The following DLG2 variants were observed in gnomAD, a reference collection of about 807,000 sequenced individuals.
The protein encoded by DLG2 is discs large MAGUK scaffold protein 2, also known as disks large homolog 2.
A neutral mutation model predicts 132.5 loss-of-function variants in DLG2; 45 were observed. The ratio of observed to expected loss-of-function variants is 0.34; its 90% CI spans 0.27 to 0.44. DLG2 has a LOEUF of 0.44. Ranked by LOEUF, DLG2 falls within the 20% of genes least tolerant of loss-of-function variation. The probability of loss-of-function intolerance (pLI) is 1.00; values close to 1 mark genes in which losing one functional copy is unlikely to be tolerated. For synonymous variants in DLG2, 424 were observed against 419.6 expected, an observed-to-expected ratio of 1.01 and a Z score of -0.13; for missense variants, 1,045 against 1,196.9, an observed-to-expected ratio of 0.87 and a Z score of 1.87.
At chr11:83,667,975 C>A (rs1490311585) in intron 18 of DLG2, among the ~76,000 whole-genome samples, 65 of 39,590 alleles carry the variant, frequency 1.6e-3, no homozygotes, top group Admixed American at 3.0e-3. Context: ...GACTCCGTCT[C>A]AAAAAAAAAA....
intron 7 of DLG2, among the ~76,000 whole-genome samples, chr11:84,264,366 CTTACT>C (rs2097584995): frequency 6.6e-6 from 1 of 152,198 alleles, no homozygotes; most frequent in Non-Finnish European, 1.5e-5. Context: ...TGGTGGCTTT[CTTACT>C]TTAAATTATT....
intron 3 of DLG2, among the ~76,000 whole-genome samples, chr11:85,453,859 G>T (rs1321049431): frequency 6.6e-6 from 1 of 152,058 alleles, no homozygotes; most frequent in Non-Finnish European, 1.5e-5. Flanking sequence ...CAGGGGTTTG[G>T]TGTCCAGATT....
chr11:84,668,940 A>T (rs945992359), intron 6 of DLG2, among the ~76,000 whole-genome samples: 1 of 152,172 alleles, frequency 6.6e-6, no homozygotes, highest in Non-Finnish European at 1.5e-5. Flanking sequence ...GGTACCAGCA[A>T]CAGAAAAAAA....
At chr11:84,517,126 A>AG (rs1416677864) in intron 7 of DLG2, among the ~76,000 whole-genome samples, 2 of 150,588 alleles carry the variant, frequency 1.3e-5, no homozygotes, top group Non-Finnish European at 3.0e-5. Flanking sequence ...CTAAAAGCAC[A>AG]GGAAAAAAAA....
intron 9 of DLG2, among the ~76,000 whole-genome samples, chr11:84,140,526 T>A (rs1446076255): frequency 2.0e-5 from 3 of 152,152 alleles, no homozygotes; most frequent in East Asian, 3.9e-4. Context: ...TGTATTCCTA[T>A]TCACGAGTTC....
chr11:84,251,589 G>A (rs902229609), intron 7 of DLG2, among the ~76,000 whole-genome samples: 4 of 151,692 alleles, frequency 2.6e-5, no homozygotes, highest in African/African-American at 4.8e-5. Context: ...CTATGTGTAA[G>A]GCAAGGATTT....
intron 7 of DLG2, among the ~76,000 whole-genome samples, chr11:84,259,886 T>C (rs965960442): frequency 1.3e-5 from 2 of 152,202 alleles, no homozygotes; most frequent in African/African-American, 4.8e-5. Context: ...CCAAAGTGGA[T>C]AAATCCTAAC....
At chr11:84,070,025 G>A (rs778736521) in intron 10 of DLG2, among the ~76,000 whole-genome samples, 1 of 152,178 alleles carries the variant, frequency 6.6e-6, no homozygotes, top group Admixed American at 6.5e-5. Context: ...CTGATGCCAG[G>A]CTAATTAGCC....
chr11:85,497,235 T>G (rs1166959097), intron 3 of DLG2, among the ~76,000 whole-genome samples: 3 of 151,854 alleles, frequency 2.0e-5, no homozygotes, highest in Non-Finnish European at 2.9e-5. Context: ...AGAACTTAAA[T>G]GACCTGATGG....
intron 3 of DLG2, among the ~76,000 whole-genome samples, chr11:85,299,246 T>A (rs1385735778): frequency 6.6e-6 from 1 of 152,170 alleles, no homozygotes; most frequent in African/African-American, 2.4e-5. Context: ...TTTGCCCAGT[T>A]TGCTTAATTT....
chr11:85,265,266 C>T (rs1460810513), intron 4 of DLG2, among the ~76,000 whole-genome samples: 1 of 152,206 alleles, frequency 6.6e-6, no homozygotes, highest in African/African-American at 2.4e-5. Flanking sequence ...CTGTCATATA[C>T]ATAACTTCCA....
intron 16 of DLG2, among the ~76,000 whole-genome samples, chr11:83,870,879 T>G (rs1431236077): frequency 6.6e-6 from 1 of 152,164 alleles, no homozygotes; most frequent in African/African-American, 2.4e-5. Flanking sequence ...GTGGTAGGGC[T>G]TCTTGTGGGT....
chr11:84,486,624 G>T (rs10501566), intron 7 of DLG2, among the ~76,000 whole-genome samples: 12,540 of 152,090 alleles, frequency 0.082, 1,748 homozygotes, highest in African/African-American at 0.29. Flanking sequence ...CTCAGAAACA[G>T]AAAAGAAGGT....
chr11:85,376,278 G>C (rs921460766), intron 3 of DLG2, among the ~76,000 whole-genome samples: 12 of 152,158 alleles, frequency 7.9e-5, no homozygotes, highest in African/African-American at 2.9e-4. Context: ...TCAGCAAGCA[G>C]TATTTGAATT....
intron 14 of DLG2, among the ~76,000 whole-genome samples, chr11:83,953,789 T>G (rs2086102359): frequency 6.6e-6 from 1 of 152,210 alleles, no homozygotes; most frequent in Admixed American, 6.5e-5. Flanking sequence ...TCATACAGAT[T>G]ATGGCCAGAA....
chr11:84,678,626 C>T (rs1488202065), intron 6 of DLG2, among the ~76,000 whole-genome samples: 1 of 152,042 alleles, frequency 6.6e-6, no homozygotes, highest in African/African-American at 2.4e-5. Context: ...TGAAAAGATG[C>T]CTGGCACATA....
At chr11:85,237,482 T>C (rs2075649837) in intron 4 of DLG2, among the ~76,000 whole-genome samples, 1 of 152,040 alleles carries the variant, frequency 6.6e-6, no homozygotes, top group African/African-American at 2.4e-5. Flanking sequence ...GGCTCTGACC[T>C]TTGTGCAGTC....
At chr11:84,259,263 G>GAA (rs397968137) in intron 7 of DLG2, among the ~76,000 whole-genome samples, 38 of 97,262 alleles carry the variant, frequency 3.9e-4, no homozygotes, top group Middle Eastern at 5.5e-3. Context: ...ACTGTGTCTC[G>GAA]AAAAAAAAAA....
At chr11:84,697,047 C>T (rs1227347107) in intron 6 of DLG2, among the ~76,000 whole-genome samples, 1 of 151,276 alleles carries the variant, frequency 6.6e-6, no homozygotes, top group Non-Finnish European at 1.5e-5. Context: ...TAACAATAAC[C>T]TCCAAATTTT....
Sources: gnomAD v4.1 joint callset for allele counts (sites outside exome capture counted in the v4.1 genomes callset) on GRCh38, gnomAD v4.1.1 for gene constraint, MANE v1.5 for transcripts, NCBI Gene and HGNC (gene_info 2026-07-23, HGNC 2026-07-21) for gene names.